The following KRT37 variants were observed in gnomAD, a reference collection of about 807,000 sequenced individuals.
The protein encoded by KRT37 is keratin, type I cuticular Ha7.
In KRT37, 38 loss-of-function variants were observed where a neutral mutation model predicts 41.9. That is an observed-to-expected ratio of 0.91 (90% CI 0.70 to 1.19). The LOEUF (loss-of-function observed/expected upper bound fraction) is 1.19, where lower values mean the gene tolerates loss of function less well. Ranked by LOEUF, KRT37 falls within the 50% of genes most tolerant of loss-of-function variation. The probability of loss-of-function intolerance (pLI) is 0.00; values close to 1 mark genes in which losing one functional copy is unlikely to be tolerated. For missense variants in KRT37, 580 were observed against 575.5 expected, an observed-to-expected ratio of 1.01 and a Z score of -0.08; for synonymous variants, 252 against 243.4, an observed-to-expected ratio of 1.04 and a Z score of -0.33.
rs1381646763 is a variant in KRT37 at position 41,421,595 on chromosome 17, G to A, written c.1021-8C>T. 6.2e-7 allele frequency: 1 copy of A among 1,612,414 alleles called. No individual in the cohort carries two copies. Among genetic ancestry groups the A allele is most frequent in the East Asian group, 2.2e-5 (1 of 44,842 alleles). On this transcript the variant is annotated splice_region_variant and splice_polypyrimidine_tract_variant and intron_variant, in intron 5 of 6. Transcript: ENST00000225550. ...GTTCTGCAGACAGTCCTTCTGTAAT[G>A]GGAAATAATGGGGTAAGAGATCCAG... is the stretch of plus-strand genomic sequence containing the variant.
chr17:41,423,665 T>A, intron 2 of KRT37, 97 bp downstream of exon 2: 1 of 1,078,350 alleles, frequency 9.3e-7, no homozygotes, highest in Non-Finnish European at 1.4e-6. Context: ...AGTCAAAAAC[T>A]GTTTTTGAAC....
At chr17:41,421,334 G>C (rs781393672) in intron 6 of KRT37, 33 bp downstream of exon 6, 1 of 1,604,246 alleles carries the variant, frequency 6.2e-7, no homozygotes, top group Non-Finnish European at 8.5e-7. Flanking sequence ...ACAGTCATGT[G>C]TGTGGCTTAG....
chr17:41,423,862 A>G lies in KRT37; in HGVS notation c.493-18T>C. 1.2e-6 allele frequency: 2 copies of G among 1,613,844 alleles called. No homozygotes were observed. Among genetic ancestry groups the G allele is most frequent in the Non-Finnish European group, 1.7e-6 (2 of 1,179,704 alleles). On this transcript the variant is annotated intron_variant, in intron 1 of 6. Coordinates refer to ENST00000225550, the MANE Select transcript of KRT37 (RefSeq NM_003770.5). ...CACAGGATCTGAGGAAAACGGAAAG[A>G]CGGTTCACACACAAAGCACCATACT...
At chr17:41,421,641 G>A in intron 5 of KRT37, 54 bp from the exon 6 acceptor site, 1 of 1,552,834 alleles carries the variant, frequency 6.4e-7, no homozygotes. Flanking sequence ...ACTCAGCAGT[G>A]AAAATCATGA....
In KRT37 at chr17:41,424,350, C is replaced by G; in HGVS notation, c.174G>C (p.Gly58=). 2 of 1,614,108 alleles carry G rather than the reference C, an allele frequency of 1.2e-6. No individual in the cohort carries two copies. Among genetic ancestry groups the G allele is most frequent in the South Asian group, 2.2e-5 (2 of 91,084 alleles). The part of the protein sequence containing the change: ...NVAHANRVRV[G]STPLGRPSLC... ...GGCTGGGGCGGCCCAGGGGAGTCGA[C>G]CCCACACGGACTCTGTTGGCGTGTG... is the stretch of plus-strand genomic sequence containing the variant. The change falls in exon 1 of 7, where the codon GGG becomes GGC. Residue 58 remains glycine (G), a synonymous_variant. Coordinates refer to ENST00000225550, the MANE Select transcript of KRT37 (RefSeq NM_003770.5).
chr17:41,422,214 A>G lies in KRT37; in HGVS notation c.895-20T>C, dbSNP rs532447620. ...TTCAGACTGGAGCACAGAGAAACACAGTCACCTCCCTGCTCAGATGGAGGC... is the reference window on the plus strand; with the variant it reads ...TTCAGACTGGAGCACAGAGAAACACGGTCACCTCCCTGCTCAGATGGAGGC... On this transcript the variant is annotated intron_variant, in intron 4 of 6. Transcript: ENST00000225550. 2.0e-5 allele frequency: 33 copies of G among 1,613,966 alleles called. No homozygotes were observed. The highest frequency in any genetic ancestry group is 4.5e-5 in the East Asian group (2 of 44,874).
intron 2 of KRT37, 87 bp downstream of exon 2, chr17:41,423,675 C>T (rs955599779): frequency 7.3e-6 from 9 of 1,230,638 alleles, no homozygotes; most frequent in Non-Finnish European, 9.4e-6. Flanking sequence ...TGTTTTTGAA[C>T]ACCTACAATA....
In KRT37 at chr17:41,420,983, GAGTCTGC is replaced by G; in HGVS notation, c.1242-4_1244del. 1 of 1,607,424 alleles carries G rather than the reference GAGTCTGC, an allele frequency of 6.2e-7. No homozygotes were observed. Among genetic ancestry groups the G allele is most frequent in the Non-Finnish European group, 8.5e-7 (1 of 1,173,996 alleles). On this transcript the variant is annotated splice_acceptor_variant and splice_polypyrimidine_tract_variant and coding_sequence_variant and intron_variant, in exon 7 of 7. Transcript: ENST00000225550. LOFTEE classifies it high-confidence loss of function. ...CAGGCGTGGAACAGGGATTGCAGGGGAGTCTGCAGGGAGAGAAAGAAGAGTTACATTA... is the reference window on the plus strand; with the variant it reads ...CAGGCGTGGAACAGGGATTGCAGGGGAGGGAGAGAAAGAAGAGTTACATTA...
rs16966811 is a variant in KRT37, at chr17:41,422,860, G to A, written c.650C>T (p.Ala217Val). The A allele has an allele frequency of 0.17, 270,141 of 1,612,774 alleles. 24,202 individuals carry two copies. The highest frequency in any genetic ancestry group is 0.3 in the East Asian group (13,522 of 44,774). The change falls in exon 3 of 7, where the codon GCG becomes GTG. Residue 217 changes from alanine to valine, a missense_variant. Transcript: ENST00000225550. ...KCGTQKLLDDATLAKADLEAQ... is the reference protein window; with the variant it reads ...KCGTQKLLDDVTLAKADLEAQ... ...CTCCAGGTCGGCCTTGGCCAGGGTC[G>A]CGTCATCCAGGAGCTTCTGCGTCCC... is the stretch of plus-strand genomic sequence containing the variant.
rs1203844987 is a variant in KRT37 at position 41,420,891 on chromosome 17, C to T, written c.1337G>A (p.Ser446Asn). The change falls in exon 7 of 7, where the codon AGC becomes AAC. Residue 446 changes from serine to asparagine, a missense_variant. Physicochemically the swap from Ser to Asn is conservative, Grantham distance 46 (BLOSUM62 1). Coordinates refer to ENST00000225550, the MANE Select transcript of KRT37 (RefSeq NM_003770.5). ...GGGCCTTCAGAATCATCTCCCCATG[C>T]TGGCTCCATGGCCAGAGGGAGACCC... ...TGGSPSGHGASMGR is the reference protein window; with the variant it reads ...TGGSPSGHGANMGR The T allele has an allele frequency of 1.9e-6, 3 of 1,612,028 alleles. No homozygotes were observed. Among genetic ancestry groups the T allele is most frequent in the Non-Finnish European group, 2.5e-6 (3 of 1,178,296 alleles).
rs768858429 is a variant in KRT37 at position 41,422,153 on chromosome 17, C to T, written c.936G>A (p.Glu312=). Reference sequence around the variant, plus strand: ...GGATCTCCGACTGGCAGCACTGCAGCTCCTCGGAGCAGGACATGGCCTGCA... The same window carrying T: ...GGATCTCCGACTGGCAGCACTGCAGTTCCTCGGAGCAGGACATGGCCTGCA... The part of the protein sequence containing the change: ...ISLQAMSCSE[E]LQCCQSEILE... Residue 312 remains glutamate (E), a synonymous_variant, in exon 5 of 7, where the codon GAG becomes GAA. Coordinates refer to ENST00000225550, the MANE Select transcript of KRT37 (RefSeq NM_003770.5). 32 of 1,614,086 alleles carry T rather than the reference C, an allele frequency of 2.0e-5. No individual in the cohort carries two copies. In the African/African-American group the frequency reaches 4.0e-4, roughly 20 times the overall value.
Position 41,421,378 on chromosome 17 carries a change from G to T in KRT37, c.1230C>A (p.Ser410Arg). ...CAGATCACACGTACTTGCAGTCCTC[G>T]CTCTCCAGAAGGTTCCGGTATGTGG... is the stretch of plus-strand genomic sequence containing the variant. ...EIATYRNLLESEDCKLPCNPC... is the reference protein window; with the variant it reads ...EIATYRNLLEREDCKLPCNPC... The change falls in exon 6 of 7, where the codon AGC (serine) becomes AGA (arginine). Residue 410 changes from serine to arginine, a missense_variant. Ser to Arg is a moderately radical substitution (Grantham distance 110, BLOSUM62 -1). Coordinates refer to ENST00000225550, the MANE Select transcript of KRT37 (RefSeq NM_003770.5). 6.2e-7 allele frequency: 1 copy of T among 1,614,144 alleles called. No individual in the cohort carries two copies. The highest frequency in any genetic ancestry group is 8.5e-7 in the Non-Finnish European group (1 of 1,180,018).
rs1374187255 is a variant in KRT37 at position 41,420,904 on chromosome 17, C to A, written c.1324G>T (p.Gly442Cys). ...CGPVTGGSPS[G>C]HGASMGR ...CATCTCCCCATGCTGGCTCCATGGC[C>A]AGAGGGAGACCCACCGGTGACAGGG... is the stretch of plus-strand genomic sequence containing the variant. Residue 442 changes from glycine to cysteine, a missense_variant, in exon 7 of 7, where the codon GGC becomes TGC. Coordinates refer to ENST00000225550, the MANE Select transcript of KRT37 (RefSeq NM_003770.5). 1.2e-6 allele frequency: 2 copies of A among 1,613,562 alleles called. No individual in the cohort carries two copies. The highest frequency in any genetic ancestry group is 1.7e-6 in the Non-Finnish European group (2 of 1,179,742).
Position 41,424,238 on chromosome 17 carries a change from C to T in KRT37, c.286G>A (p.Gly96Ser), listed in dbSNP as rs759503740. ...PGNIGICGAY[G>S]KNTLNGHEKE... ...TCATGGCCATTCAGGGTGTTTTTGC[C>T]GTAGGCCCCACAGATTCCGATGTTG... Residue 96 changes from glycine to serine, a missense_variant, in exon 1 of 7, where the codon GGC (glycine) becomes AGC (serine). Coordinates refer to ENST00000225550, the MANE Select transcript of KRT37 (RefSeq NM_003770.5). 1.8e-5 allele frequency: 29 copies of T among 1,614,108 alleles called. No homozygotes were observed. The highest frequency in any genetic ancestry group is 6.6e-5 in the South Asian group (6 of 91,090).
rs2018527191 is a variant in KRT37, at chr17:41,420,701, C to A, written c.*177G>T. 2 of 448,862 alleles carry A rather than the reference C, an allele frequency of 4.5e-6. No individual in the cohort carries two copies. Among genetic ancestry groups the A allele is most frequent in the Admixed American group, 3.8e-5 (1 of 26,298 alleles). 27.8% of individuals were successfully genotyped at this position (448,862 alleles called of 1,614,324 possible). A position where few individuals can be genotyped will look rare whatever the true frequency, so the allele number is the denominator to read the frequency against. On this transcript the variant is annotated 3_prime_UTR_variant, in exon 7 of 7. Transcript: ENST00000225550. ...GAAGATAATTACAACATTTTAGCAA[C>A]AACAAAAAATACAGCTTAGAGGCAT...
At chr17:41,421,125 G>A in intron 6 of KRT37, 139 bp from the exon 7 acceptor site, 1 of 775,008 alleles carries the variant, frequency 1.3e-6, no homozygotes, top group Non-Finnish European at 2.1e-6. Flanking sequence ...TCTCTCATCT[G>A]TGTCTTTCTA....
chr17:41,421,616 T>C (rs373672102), intron 5 of KRT37, 29 bp from the exon 6 acceptor site: 95 of 1,601,784 alleles, frequency 5.9e-5, no homozygotes, highest in Non-Finnish European at 7.9e-5. Flanking sequence ...GGGTAAGAGA[T>C]CCAGGTGCCC....
Position 41,424,407 on chromosome 17 carries a change from A to C in KRT37, c.117T>G (p.Asn39Lys). The change falls in exon 1 of 7, where the codon AAT becomes AAG. Residue 39 changes from asparagine (N) to lysine (K), a missense_variant. Physicochemically the swap from Asn to Lys is moderately conservative, Grantham distance 94. Coordinates refer to ENST00000225550, the MANE Select transcript of KRT37 (RefSeq NM_003770.5). Reference sequence around the variant, plus strand: ...TGGCCAAGAGGCACATGGAGGCAGCATTGGCCTCTGCCACAGGCTGGCACC... The same window carrying C: ...TGGCCAAGAGGCACATGGAGGCAGCCTTGGCCTCTGCCACAGGCTGGCACC... ...DVGCQPVAEA[N>K]AASMCLLANV... The C allele has an allele frequency of 1.2e-6, 2 of 1,613,576 alleles. No individual in the cohort carries two copies. The highest frequency in any genetic ancestry group is 1.7e-6 in the Non-Finnish European group (2 of 1,179,580).
In KRT37 at chr17:41,422,926, C is replaced by G. The variant is rs757829873; in HGVS notation, c.584G>C (p.Ser195Thr). 7.4e-6 allele frequency: 12 copies of G among 1,612,548 alleles called. No individual in the cohort carries two copies. In the South Asian group the frequency reaches 1.3e-4, roughly 18 times the overall value. Reference sequence around the variant, plus strand: ...CACCAGCTGGTGAAGGGAGCGCTCACTCTCCAGCCTTCCGTCACAGGAGGC... The same window carrying G: ...CACCAGCTGGTGAAGGGAGCGCTCAGTCTCCAGCCTTCCGTCACAGGAGGC... The part of the protein sequence containing the change: ...AADDFRIKLE[S>T]ERSLHQLVEA... Residue 195 changes from serine to threonine, a missense_variant, in exon 3 of 7, where the codon AGT becomes ACT. Transcript: ENST00000225550.
Sources: gnomAD v4.1 joint callset for allele counts on GRCh38, gnomAD v4.1.1 for gene constraint, MANE v1.5 for transcripts, NCBI Gene and HGNC (gene_info 2026-07-23, HGNC 2026-07-21) for gene names.